The following FGR variants were observed in gnomAD, a reference collection of about 807,000 sequenced individuals.
FGR encodes the protein FGR proto-oncogene, Src family tyrosine kinase.
A neutral mutation model predicts 63.2 loss-of-function variants in FGR; 26 were observed. That is an observed-to-expected ratio of 0.41 (90% CI 0.30 to 0.57). FGR has a LOEUF of 0.57. FGR is among the 20% of genes least tolerant of loss of function. The probability of loss-of-function intolerance (pLI) is 0.27; values close to 1 mark genes in which losing one functional copy is unlikely to be tolerated. For missense variants in FGR, 511 were observed against 690.8 expected (o/e 0.74, Z 2.92); for synonymous variants, 286 against 277.7 (o/e 1.03, Z -0.30).
At chr1:27,626,462 C>A in intron 1 of FGR, 3 of 339,462 alleles carry the variant, frequency 8.8e-6, no homozygotes, top group Middle Eastern at 1.5e-3. Context: ...CCACTCACCT[C>A]TTCCAGAAAG....
intron 1 of FGR, among the ~76,000 whole-genome samples, chr1:27,628,719 G>A (rs1234481852): frequency 6.6e-6 from 1 of 152,160 alleles, no homozygotes; most frequent in African/African-American, 2.4e-5. Context: ...TCAGATGGAG[G>A]GGATCCCTGA....
rs184396461 is a variant in FGR at position 27,619,508 on chromosome 1, A to C, written c.428+2051T>G. ...CCCCAGCCCCCTCCTATATAGCCTT[A>C]ATGATCATCTTTACTCTCATGAGTC... On this transcript the variant is annotated intron_variant, in intron 5 of 12. Transcript: ENST00000374005. 2.0e-5 allele frequency among the ~76,000 whole-genome samples: 3 copies of C among 152,176 alleles called. No homozygotes were observed. In the East Asian group the frequency reaches 5.8e-4, roughly 29 times the overall value.
At chr1:27,619,495 C>T (rs191558449) in intron 5 of FGR, among the ~76,000 whole-genome samples, 2 of 152,240 alleles carry the variant, frequency 1.3e-5, no homozygotes, top group East Asian at 3.9e-4. Context: ...CCAGCCCCCT[C>T]CTATATAGCC....
At chr1:27,623,192 C>A in intron 3 of FGR, 48 bp from the exon 4 acceptor site, 1 of 1,415,122 alleles carries the variant, frequency 7.1e-7, no homozygotes, top group Non-Finnish European at 1.0e-6. Context: ...GGCAGAAGCA[C>A]CAAGGGGGCT....
Position 27,630,275 on chromosome 1 carries a change from G to T in FGR, c.-77+4790C>A, listed in dbSNP as rs904166674. 1.1e-4 allele frequency among the ~76,000 whole-genome samples: 17 copies of T among 151,936 alleles called. No homozygotes were observed. The South Asian group carries it at 3.1e-3, about 28-fold the overall frequency. ...TCACCGTGTTAGCCCGGATGGTCTC[G>T]ATCTCCTGACCTCGTGATCTGCCCG... On this transcript the variant is annotated intron_variant, in intron 1 of 12. Coordinates refer to ENST00000374005, the MANE Select transcript of FGR (RefSeq NM_005248.3).
intron 1 of FGR, among the ~76,000 whole-genome samples, chr1:27,628,615 A>G (rs2090060484): frequency 6.6e-6 from 1 of 151,720 alleles, no homozygotes; most frequent in South Asian, 2.1e-4. Context: ...TCTATAGGAG[A>G]ACATAGACTT....
intron 1 of FGR, chr1:27,625,972 C>T (rs2090015190): frequency 2.5e-6 from 1 of 401,452 alleles, no homozygotes; most frequent in East Asian, 3.5e-5. Context: ...AAAAACAGTC[C>T]TTCCTCTGAA....
intron 1 of FGR, among the ~76,000 whole-genome samples, chr1:27,626,828 G>A (rs1353636617): frequency 6.6e-6 from 1 of 152,070 alleles, no homozygotes; most frequent in Non-Finnish European, 1.5e-5. Flanking sequence ...GGCCCAGCGG[G>A]AGGGATTTCA....
chr1:27,632,717 G>A (rs973988162), intron 1 of FGR, among the ~76,000 whole-genome samples: 2 of 151,878 alleles, frequency 1.3e-5, no homozygotes, highest in African/African-American at 4.8e-5. Context: ...TGGGACTCAG[G>A]ATTTTCAGGA....
At chr1:27,618,759 C>T (rs1193366848) in intron 5 of FGR, among the ~76,000 whole-genome samples, 1 of 152,238 alleles carries the variant, frequency 6.6e-6, no homozygotes, top group African/African-American at 2.4e-5. Context: ...AACCTCCAAA[C>T]ATGCCCACAT....
At chr1:27,618,910 T>C (rs909263973) in intron 5 of FGR, among the ~76,000 whole-genome samples, 1 of 152,210 alleles carries the variant, frequency 6.6e-6, no homozygotes, top group Non-Finnish European at 1.5e-5. Context: ...TCCCAGGCTC[T>C]GCTGTCTGGC....
chr1:27,623,566 T>C, intron 3 of FGR, 125 bp downstream of exon 3: 1 of 970,726 alleles, frequency 1.0e-6, no homozygotes, highest in Non-Finnish European at 1.6e-6. Context: ...CCATGTGATC[T>C]TGAAAGCGGG....
At chr1:27,630,732 TG>T (rs1427371866) in intron 1 of FGR, among the ~76,000 whole-genome samples, 1 of 152,312 alleles carries the variant, frequency 6.6e-6, no homozygotes, top group East Asian at 1.9e-4. Context: ...AGCATCATTC[TG>T]GGCACTTGGT....
intron 5 of FGR, among the ~76,000 whole-genome samples, chr1:27,619,493 C>T (rs1169412893): frequency 6.6e-6 from 1 of 152,136 alleles, no homozygotes; most frequent in East Asian, 1.9e-4. Context: ...CCCCAGCCCC[C>T]TCCTATATAG....
intron 1 of FGR, among the ~76,000 whole-genome samples, 168 bp from the exon 2 acceptor site, chr1:27,625,319 C>T (rs2090002863): frequency 6.6e-6 from 1 of 152,134 alleles, no homozygotes; most frequent in Admixed American, 6.5e-5. Flanking sequence ...TACACAACCC[C>T]CGTCACATAG....
intron 1 of FGR, among the ~76,000 whole-genome samples, chr1:27,629,259 A>G (rs887578139): frequency 2.0e-4 from 30 of 152,202 alleles, no homozygotes; most frequent in Non-Finnish European, 4.4e-4. Flanking sequence ...ACATTTTCTG[A>G]TTTCCATGGT....
rs1401013653 is a variant in FGR at position 27,617,630 on chromosome 1, T to C, written c.429-334A>G. 6.6e-6 allele frequency among the ~76,000 whole-genome samples: 1 copy of C among 152,140 alleles called. No homozygotes were observed. The highest frequency in any genetic ancestry group is 2.4e-5 in the African/African-American group (1 of 41,412). ...ATTTTACAGATGAGGAAGTTGAGGCTCAGAGAGGGAAAGTGACCTGTCCAC... is the reference window on the plus strand; with the variant it reads ...ATTTTACAGATGAGGAAGTTGAGGCCCAGAGAGGGAAAGTGACCTGTCCAC... On this transcript the variant is annotated intron_variant, in intron 5 of 12. Coordinates refer to ENST00000374005, the MANE Select transcript of FGR (RefSeq NM_005248.3). This position sits in a 1 kb window ranked among gnomAD's most constrained non-coding sequence, Gnocchi z 4.5.
Position 27,616,196 on chromosome 1 carries a change from G to A in FGR, c.683-352C>T, listed in dbSNP as rs2089809026. Among the ~76,000 whole-genome samples the A allele has an allele frequency of 2.0e-5, 3 of 152,256 alleles. No homozygotes were observed. In the South Asian group the frequency reaches 6.2e-4, roughly 32 times the overall value. ...GCAAAGGTGTGGACATGAGGCCCAC[G>A]GTCTTCCGTGGACCTCATCCTTGGC... On this transcript the variant is annotated intron_variant, in intron 7 of 12. Transcript: ENST00000374005. This position sits in a 1 kb window ranked among gnomAD's most constrained non-coding sequence, Gnocchi z 4.3.
In FGR at chr1:27,616,195, C is replaced by T. The variant is rs965418340; in HGVS notation, c.683-351G>A. Among the ~76,000 whole-genome samples, 5 of 152,184 alleles carry T rather than the reference C, an allele frequency of 3.3e-5. No homozygotes were observed. The highest frequency in any genetic ancestry group is 4.1e-4 in the South Asian group (2 of 4,830). ...GGCAAAGGTGTGGACATGAGGCCCACGGTCTTCCGTGGACCTCATCCTTGG... is the reference window on the plus strand; with the variant it reads ...GGCAAAGGTGTGGACATGAGGCCCATGGTCTTCCGTGGACCTCATCCTTGG... On this transcript the variant is annotated intron_variant, in intron 7 of 12. Coordinates refer to ENST00000374005, the MANE Select transcript of FGR (RefSeq NM_005248.3). This position sits in a 1 kb window ranked among gnomAD's most constrained non-coding sequence, Gnocchi z 4.3.
Sources: allele counts gnomAD v4.1 joint callset (sites outside exome capture counted in the v4.1 genomes callset), GRCh38; gene constraint gnomAD v4.1.1; non-coding constraint Gnocchi (gnomAD v3.1); transcripts MANE v1.5; gene names NCBI Gene and HGNC (gene_info 2026-07-23, HGNC 2026-07-21).